SH3GL2: variants seen among roughly 807,000 people sequenced by gnomAD.
SH3GL2 encodes the protein endophilin-A1.
In SH3GL2, 24 loss-of-function variants were observed where a neutral mutation model predicts 46.0. The observed-to-expected ratio is 0.52, with a 90% CI of 0.38 to 0.73. The LOEUF (loss-of-function observed/expected upper bound fraction) is 0.73, where lower values mean the gene tolerates loss of function less well. Among genes scored for constraint, SH3GL2 ranks in the 30% least tolerant of loss-of-function variants. The pLI is 0.00. For missense variants in SH3GL2, 413 were observed against 424.2 expected (o/e 0.97, Z 0.23); for synonymous variants, 196 against 147.1 (o/e 1.33, Z -2.40).
intron 1 of SH3GL2, among the ~76,000 whole-genome samples, chr9:17,644,917 G>T (rs1432487357): frequency 7.4e-6 from 1 of 135,000 alleles, no homozygotes; most frequent in Admixed American, 7.8e-5. Context: ...AATATTGACA[G>T]TGGGGTGTTA....
At chr9:17,592,552 C>T (rs991836917) in intron 1 of SH3GL2, among the ~76,000 whole-genome samples, 3 of 152,162 alleles carry the variant, frequency 2.0e-5, no homozygotes, top group African/African-American at 7.2e-5. Context: ...GAGGTTTATT[C>T]TGCCTTTGTT....
chr9:17,731,710 C>T lies in SH3GL2; in HGVS notation c.46-15356C>T, dbSNP rs759779125. Reference sequence around the variant, plus strand: ...CAAGCTGACTGATAGACTCCCTCATCGCTGTTAGGATGGAAGCCTTAGTTT... The same window carrying T: ...CAAGCTGACTGATAGACTCCCTCATTGCTGTTAGGATGGAAGCCTTAGTTT... On this transcript the variant is annotated intron_variant, in intron 1 of 8. Coordinates refer to ENST00000380607, the MANE Select transcript of SH3GL2 (RefSeq NM_003026.5). 9.2e-5 allele frequency among the ~76,000 whole-genome samples: 14 copies of T among 152,248 alleles called. No homozygotes were observed. The South Asian group carries it at 1.5e-3, about 16-fold the overall frequency.
intron 1 of SH3GL2, among the ~76,000 whole-genome samples, chr9:17,694,106 A>C (rs892217060): frequency 1.3e-5 from 2 of 152,134 alleles, no homozygotes; most frequent in African/African-American, 4.8e-5. Context: ...CTGGTAAGGA[A>C]ATTGGAGACC....
chr9:17,687,833 CT>C (rs1156545447), intron 1 of SH3GL2, among the ~76,000 whole-genome samples: 1 of 152,022 alleles, frequency 6.6e-6, no homozygotes, highest in Non-Finnish European at 1.5e-5. Flanking sequence ...TCAAAGACCA[CT>C]TATTATCTGA....
chr9:17,597,808 C>A (rs114349458), intron 1 of SH3GL2, among the ~76,000 whole-genome samples: 2,801 of 152,230 alleles, frequency 0.018, 92 homozygotes, highest in African/African-American at 0.064. Context: ...CAAGGGCCTG[C>A]CTGATCTGAC....
At chr9:17,728,920 C>G (rs10118128) in intron 1 of SH3GL2, among the ~76,000 whole-genome samples, 74,709 of 151,870 alleles carry the variant, frequency 0.49, 18,903 homozygotes, top group East Asian at 0.66. Context: ...ACTGTGAATA[C>G]TGTGGCAATA....
At chr9:17,739,694 A>G (rs1193951922) in intron 1 of SH3GL2, among the ~76,000 whole-genome samples, 1 of 152,162 alleles carries the variant, frequency 6.6e-6, no homozygotes, top group Non-Finnish European at 1.5e-5. Context: ...CTTGCAAACG[A>G]AACTGTGGGT....
At chr9:17,706,056 A>G (rs971151506) in intron 1 of SH3GL2, among the ~76,000 whole-genome samples, 1 of 152,092 alleles carries the variant, frequency 6.6e-6, no homozygotes, top group Non-Finnish European at 1.5e-5. Context: ...TATAGAAAGT[A>G]TTAGTCGATG....
chr9:17,655,772 G>T (rs2182085), intron 1 of SH3GL2, among the ~76,000 whole-genome samples: 41,933 of 152,106 alleles, frequency 0.28, 7,012 homozygotes, highest in East Asian at 0.5. Flanking sequence ...GAACATGTCT[G>T]ATCCATGTAG....
At chr9:17,621,678 T>C (rs1168646888) in intron 1 of SH3GL2, among the ~76,000 whole-genome samples, 1 of 152,298 alleles carries the variant, frequency 6.6e-6, no homozygotes, top group East Asian at 1.9e-4. Context: ...CTCATGGCTG[T>C]GAGGGCACCT....
intron 1 of SH3GL2, among the ~76,000 whole-genome samples, chr9:17,726,172 G>A (rs938751708): frequency 8.5e-5 from 13 of 152,154 alleles, no homozygotes; most frequent in Non-Finnish European, 1.9e-4. Flanking sequence ...TGCACCAAGA[G>A]AGGATCTGCT....
chr9:17,795,447 G>A, intron 8 of SH3GL2, 97 bp from the exon 9 acceptor site: 2 of 882,124 alleles, frequency 2.3e-6, no homozygotes, highest in East Asian at 2.5e-5. Context: ...AAGACGGGGA[G>A]CAGCAAGCCA....
chr9:17,773,621 C>G (rs1025792777), intron 3 of SH3GL2, among the ~76,000 whole-genome samples: 29 of 152,036 alleles, frequency 1.9e-4, no homozygotes, highest in Non-Finnish European at 4.0e-4. Context: ...ACCGTGTATG[C>G]AAGAGTTTAT....
At chr9:17,708,306 G>A (rs181756823) in intron 1 of SH3GL2, among the ~76,000 whole-genome samples, 1 of 152,058 alleles carries the variant, frequency 6.6e-6, no homozygotes, top group East Asian at 1.9e-4. Flanking sequence ...TAGTGAGACT[G>A]AATTTTGTTT....
chr9:17,744,089 G>T (rs1822612618), intron 1 of SH3GL2, among the ~76,000 whole-genome samples: 2 of 152,096 alleles, frequency 1.3e-5, no homozygotes, highest in African/African-American at 4.8e-5. Context: ...TTGATTTGGG[G>T]TTTTGTAGAA....
At chr9:17,789,009 C>G (rs761351415) in intron 5 of SH3GL2, among the ~76,000 whole-genome samples, 1 of 152,192 alleles carries the variant, frequency 6.6e-6, no homozygotes, top group African/African-American at 2.4e-5. Context: ...GATACCATTT[C>G]TCTTGAAGAC....
At chr9:17,759,445 T>C (rs549002576) in intron 2 of SH3GL2, among the ~76,000 whole-genome samples, 188 of 152,300 alleles carry the variant, frequency 1.2e-3, no homozygotes, top group African/African-American at 4.1e-3. Flanking sequence ...GATTGGGAGA[T>C]GCCTCTGTTG....
chr9:17,716,787 T>G (rs1268057602), intron 1 of SH3GL2, among the ~76,000 whole-genome samples: 1 of 152,150 alleles, frequency 6.6e-6, no homozygotes, highest in Non-Finnish European at 1.5e-5. Flanking sequence ...ATGTTCTCTC[T>G]CTTTGCATTG....
intron 1 of SH3GL2, among the ~76,000 whole-genome samples, chr9:17,687,494 G>C (rs1034589974): frequency 2.0e-5 from 3 of 151,406 alleles, no homozygotes; most frequent in Non-Finnish European, 4.4e-5. Flanking sequence ...ACTTTTTTAA[G>C]TGCAGCAAAA....
Sources: allele counts gnomAD v4.1 joint callset (sites outside exome capture counted in the v4.1 genomes callset), GRCh38; gene constraint gnomAD v4.1.1; transcripts MANE v1.5; gene names NCBI Gene and HGNC (gene_info 2026-07-23, HGNC 2026-07-21).